The following FAM117A variants were observed in gnomAD, a reference collection of about 807,000 sequenced individuals.
FAM117A encodes the protein protein FAM117A.
Under a neutral mutation model 44.1 loss-of-function variants are expected in FAM117A, and 21 were observed. The observed-to-expected ratio is 0.48, with a 90% CI of 0.34 to 0.69. The LOEUF (loss-of-function observed/expected upper bound fraction) is 0.69. Among genes scored for constraint, FAM117A ranks in the 30% least tolerant of loss-of-function variants. FAM117A has a pLI of 0.01. For missense variants in FAM117A, 498 were observed against 589.9 expected (o/e 0.84, Z 1.61); for synonymous variants, 220 against 238.3 (o/e 0.92, Z 0.71).
At chr17:49,747,266 A>G (rs900929252) in intron 1 of FAM117A, 12 of 152,150 alleles carry the variant, frequency 7.9e-5, no homozygotes, top group African/African-American at 2.9e-4. Context: ...AATAGCACTC[A>G]GTTTACCTGT....
chr17:49,734,256 C>G (rs1359908324), intron 1 of FAM117A, among the ~76,000 whole-genome samples: 1 of 151,584 alleles, frequency 6.6e-6, no homozygotes, highest in African/African-American at 2.4e-5. Context: ...GCAAAAAGAA[C>G]TGGGAGCTGT....
chr17:49,772,213 A>G (rs531216660), intron 1 of FAM117A, among the ~76,000 whole-genome samples: 107 of 151,570 alleles, frequency 7.1e-4, no homozygotes, highest in Non-Finnish European at 1.4e-3. Context: ...GGATTGCTTA[A>G]CCCAGGAGAT....
chr17:49,755,363 T>C (rs2073694728), intron 1 of FAM117A, among the ~76,000 whole-genome samples: 1 of 152,198 alleles, frequency 6.6e-6, no homozygotes, highest in South Asian at 2.1e-4. Flanking sequence ...TTTTCCTCCA[T>C]CTTCTTGCTA....
chr17:49,739,641 C>T (rs145245268), intron 1 of FAM117A, among the ~76,000 whole-genome samples: 10 of 152,298 alleles, frequency 6.6e-5, no homozygotes, highest in Admixed American at 3.3e-4. Context: ...GAAGTCACAA[C>T]GGTTGCTTGT....
upstream of FAM117A, among the ~76,000 whole-genome samples, chr17:49,768,393 C>A (rs550641863): frequency 2.0e-5 from 3 of 152,136 alleles, no homozygotes; most frequent in Admixed American, 2.0e-4. Context: ...AAATATGACA[C>A]CCAGTAGCAA....
upstream of FAM117A, among the ~76,000 whole-genome samples, chr17:49,767,621 T>C (rs750610239): frequency 2.6e-4 from 40 of 152,306 alleles, no homozygotes; most frequent in South Asian, 6.2e-4. Context: ...AAGTAGAGGA[T>C]TGGCTGGGTG....
intron 2 of FAM117A, among the ~76,000 whole-genome samples, chr17:49,728,900 A>G (rs1289872245): frequency 6.6e-6 from 1 of 152,200 alleles, no homozygotes; most frequent in African/African-American, 2.4e-5. Flanking sequence ...AACAACCAAT[A>G]TCACAAATAA....
intron 2 of FAM117A, among the ~76,000 whole-genome samples, chr17:49,730,014 C>A (rs999478068): frequency 6.6e-6 from 1 of 152,212 alleles, no homozygotes; most frequent in African/African-American, 2.4e-5. Context: ...CAGACCTCCA[C>A]AGTGTAATAC....
chr17:49,788,809 G>T, upstream of FAM117A: 1 of 1,579,280 alleles, frequency 6.3e-7, no homozygotes, highest in Non-Finnish European at 8.6e-7. Flanking sequence ...GCCCGAATCG[G>T]AACCGTCGGG....
rs544254186 is a variant in FAM117A at position 49,769,138 on chromosome 17, T to C, written c.-621+19359A>G. On this transcript the variant is annotated intron_variant, in intron 1 of 7. Transcript: ENST00000513602. ...TGGTGAAACCCCGTCTCTACTAAAA[T>C]ACAAAAATTAGCTGGCCATGGTGGC... Among the ~76,000 whole-genome samples the C allele has an allele frequency of 4.6e-5, 7 of 151,298 alleles. No individual in the cohort carries two copies. The East Asian group carries it at 1.4e-3, about 30-fold the overall frequency.
At chr17:49,717,801 G>A in intron 5 of FAM117A, 87 bp from the exon 6 acceptor site, 1 of 1,107,408 alleles carries the variant, frequency 9.0e-7, no homozygotes, top group Non-Finnish European at 1.3e-6. Flanking sequence ...TTCCCTTGCT[G>A]CTGTCATTCT....
In FAM117A at chr17:49,711,318, C is replaced by T; in HGVS notation, c.1299G>A (p.Glu433=). Residue 433 remains glutamate, a synonymous_variant, in exon 8 of 8, where the codon GAG becomes GAA. Transcript: ENST00000240364. ...CTGATGGTGGGGTGCGCTGCCATGG[C>T]TCGAATGGCAGTGGGGAGGCCTTGG... ...EASKASPLPF[E]PWQRTPPSEE... 2 of 1,610,080 alleles carry T rather than the reference C, an allele frequency of 1.2e-6. No individual in the cohort carries two copies. The highest frequency in any genetic ancestry group is 1.7e-6 in the Non-Finnish European group (2 of 1,177,464).
chr17:49,745,458 A>T (rs1045376096), intron 1 of FAM117A, among the ~76,000 whole-genome samples: 1 of 152,240 alleles, frequency 6.6e-6, no homozygotes, highest in Admixed American at 6.5e-5. Flanking sequence ...TTACAAAGAG[A>T]ATAATGTACT....
chr17:49,758,627 A>T (rs530579202), intron 1 of FAM117A, among the ~76,000 whole-genome samples: 13 of 129,028 alleles, frequency 1.0e-4, no homozygotes, highest in East Asian at 6.2e-4. Flanking sequence ...GTCTCAAAAA[A>T]AAAAAAAAAT....
intron 1 of FAM117A, 110 bp from the exon 2 acceptor site, chr17:49,732,830 A>G: frequency 1.7e-6 from 2 of 1,158,920 alleles, no homozygotes; most frequent in Non-Finnish European, 2.5e-6. Context: ...CTTCACTCAT[A>G]TCCACCACTG....
In FAM117A at chr17:49,763,894, G is replaced by A; in HGVS notation, c.194C>T (p.Ala65Val). 4.3e-6 allele frequency: 5 copies of A among 1,171,806 alleles called. No homozygotes were observed. Among genetic ancestry groups the A allele is most frequent in the Non-Finnish European group, 5.2e-6 (5 of 954,962 alleles). 72.6% of individuals were successfully genotyped at this position (1,171,806 alleles called of 1,614,324 possible). A position where few individuals can be genotyped will look rare whatever the true frequency, so the allele number is the denominator to read the frequency against. ...PHQRRDGGGR[A>V]ASVPCSVAPE... ...CACCCGCTCCAGGCCCGGCTCACCT[G>A]CACGGCCACCCCCGTCCCGGCGCTG... Residue 65 changes from alanine (A) to valine (V), a missense_variant and splice_region_variant, in exon 1 of 8, where the codon GCA (alanine) becomes GTA (valine). By Grantham distance (64) the Ala-to-Val change is moderately conservative. This residue lies in a region of FAM117A where 270 missense variants were observed against 277.4 expected (regional missense o/e 0.97). Coordinates refer to ENST00000240364, the MANE Select transcript of FAM117A (RefSeq NM_030802.4).
intron 1 of FAM117A, among the ~76,000 whole-genome samples, chr17:49,780,807 T>C (rs946893062): frequency 6.6e-5 from 10 of 152,166 alleles, no homozygotes; most frequent in Non-Finnish European, 1.3e-4. Context: ...GAGAAAATAC[T>C]AAAGACATGA....
intron 1 of FAM117A, among the ~76,000 whole-genome samples, chr17:49,782,418 G>A (rs573234067): frequency 3.4e-5 from 5 of 148,104 alleles, no homozygotes; most frequent in Non-Finnish European, 5.9e-5. Flanking sequence ...TGCCAGGCAT[G>A]GTGGCTTATG....
intron 1 of FAM117A, among the ~76,000 whole-genome samples, chr17:49,741,816 G>A (rs954573249): frequency 2.6e-5 from 4 of 152,166 alleles, no homozygotes; most frequent in Non-Finnish European, 5.9e-5. Flanking sequence ...AGGGCAGGCC[G>A]TCTTCTGAGC....
Sources: allele counts gnomAD v4.1 joint callset (sites outside exome capture counted in the v4.1 genomes callset), GRCh38; gene constraint gnomAD v4.1.1; regional missense constraint gnomAD v4.1.1; transcripts MANE v1.5; gene names NCBI Gene and HGNC (gene_info 2026-07-23, HGNC 2026-07-21).